Variants in VWF observed in about 807,000 individuals in gnomAD.
VWF encodes Factor VIII related antigen.
VWF carries 176 observed loss-of-function variants against 308.6 expected under a neutral mutation model. That is an observed-to-expected ratio of 0.57 (90% CI 0.50 to 0.65). The LOEUF (loss-of-function observed/expected upper bound fraction) is 0.65. Among genes scored for constraint, VWF ranks in the 30% least tolerant of loss-of-function variants. The pLI, the probability that VWF is intolerant of heterozygous loss-of-function variation, is 0.00. For synonymous variants in VWF, 1,385 were observed against 1,443.4 expected (o/e 0.96, Z 0.92); for missense variants, 3,146 against 3,648.2 (o/e 0.86, Z 3.55).
intron 34 of VWF, among the ~76,000 whole-genome samples, chr12:5,999,471 TAC>T (rs3062521): frequency 0.015 from 2,088 of 143,318 alleles, 16 homozygotes; most frequent in Middle Eastern, 0.026. Flanking sequence ...TGTACACACA[TAC>T]ACACACACAC....
intron 48 of VWF, among the ~76,000 whole-genome samples, chr12:5,953,234 A>C (rs898526976): frequency 4.6e-5 from 7 of 151,520 alleles, no homozygotes. Flanking sequence ...TCAAGAAAGA[A>C]AAAAAAAAGA....
At chr12:5,953,370 CA>C in intron 48 of VWF, 125 bp downstream of exon 48, 1 of 712,716 alleles carries the variant, frequency 1.4e-6, no homozygotes, top group East Asian at 2.6e-5. Context: ...TTTATATAAT[CA>C]GAAAGAAATA....
intron 47 of VWF, among the ~76,000 whole-genome samples, chr12:5,964,773 C>T (rs905609706): frequency 8.5e-5 from 13 of 152,140 alleles, no homozygotes; most frequent in Admixed American, 5.2e-4. Flanking sequence ...ATCCCCACAG[C>T]AGGAGGCAGA....
In VWF at chr12:6,060,574, C is replaced by G. The variant is rs1254006575; in HGVS notation, c.1533+2380G>C. 1.3e-5 allele frequency among the ~76,000 whole-genome samples: 2 copies of G among 152,112 alleles called. No individual in the cohort carries two copies. Among genetic ancestry groups the G allele is most frequent in the Non-Finnish European group, 2.9e-5 (2 of 68,026 alleles). ...CAAGATAGTCCCTTTCCATGAGCCCCAGGAATCTGTGTAAAGAAAAAGAAA... is the reference window on the plus strand; with the variant it reads ...CAAGATAGTCCCTTTCCATGAGCCCGAGGAATCTGTGTAAAGAAAAAGAAA... On this transcript the variant is annotated intron_variant, in intron 13 of 51. Coordinates refer to ENST00000261405, the MANE Select transcript of VWF (RefSeq NM_000552.5). This position sits in a 1 kb window ranked among gnomAD's most constrained non-coding sequence, Gnocchi z 5.1.
chr12:6,082,272 A>C (rs559250808), intron 6 of VWF, among the ~76,000 whole-genome samples: 1 of 152,316 alleles, frequency 6.6e-6, no homozygotes, highest in South Asian at 2.1e-4. Flanking sequence ...GCCTAAAAAT[A>C]TGTTCTTTAC....
chr12:6,067,362 A>C (rs191564362), intron 10 of VWF, among the ~76,000 whole-genome samples: 5 of 152,328 alleles, frequency 3.3e-5, no homozygotes, highest in Admixed American at 3.3e-4. Context: ...CTCTTATCTA[A>C]GCAAGAAAAT....
At chr12:6,052,827 C>T (rs370011844) in intron 15 of VWF, 44 bp from the exon 16 acceptor site, 44 of 1,594,380 alleles carry the variant, frequency 2.8e-5, no homozygotes, top group Non-Finnish European at 3.5e-5. Flanking sequence ...GAATGTTGGA[C>T]AGCAAGGACT....
intron 18 of VWF, among the ~76,000 whole-genome samples, chr12:6,041,999 G>A (rs1481371816): frequency 6.6e-6 from 1 of 152,106 alleles, no homozygotes; most frequent in Non-Finnish European, 1.5e-5. Flanking sequence ...GAACTCTCTG[G>A]CTTTAAAGTG....
At chr12:6,116,854 A>C (rs1945372669) in intron 3 of VWF, among the ~76,000 whole-genome samples, 1 of 152,210 alleles carries the variant, frequency 6.6e-6, no homozygotes, top group South Asian at 2.1e-4. Flanking sequence ...AGGAATGTGG[A>C]TGTGCGATTT....
chr12:5,968,338 C>T, intron 45 of VWF, 171 bp from the exon 46 acceptor site: 1 of 690,250 alleles, frequency 1.4e-6, no homozygotes. Context: ...CTGCTGGAGC[C>T]CACAGCGGCC....
At chr12:6,036,637 G>C (rs558852444) in intron 18 of VWF, 146 bp from the exon 19 acceptor site, 5 of 787,096 alleles carry the variant, frequency 6.4e-6, no homozygotes, top group South Asian at 1.5e-5. Flanking sequence ...GGCTGAGCCA[G>C]GGGGACAGCT....
intron 43 of VWF, 72 bp from the exon 44 acceptor site, chr12:5,971,781 T>C: frequency 7.6e-7 from 1 of 1,310,356 alleles, no homozygotes; most frequent in Non-Finnish European, 1.1e-6. Context: ...CTACGCCTCC[T>C]GCGTACTGAG....
chr12:6,033,867 G>A (rs1246128441), intron 20 of VWF, among the ~76,000 whole-genome samples: 2 of 152,326 alleles, frequency 1.3e-5, no homozygotes, highest in South Asian at 2.1e-4. Flanking sequence ...CCAAGCTCCC[G>A]CCCCTCCTCC....
chr12:6,114,138 G>A (rs999861250), intron 3 of VWF, among the ~76,000 whole-genome samples: 1 of 152,342 alleles, frequency 6.6e-6, no homozygotes, highest in Middle Eastern at 3.4e-3. Context: ...AAATGGGAAA[G>A]GAACCCCCGT....
chr12:6,031,013 A>G (rs1274170954), intron 21 of VWF, among the ~76,000 whole-genome samples: 2 of 152,192 alleles, frequency 1.3e-5, no homozygotes. Context: ...CCTAGGCAAA[A>G]GAGCGAGACT....
Position 6,054,250 on chromosome 12 carries a change from A to G in VWF, c.1946-1467T>C, listed in dbSNP as rs534399304. ...AACTTGGTGTTTGAAGGTAGCTGGG[A>G]AGGGAGGGCCTCTTTAATCCTATTA... is the stretch of plus-strand genomic sequence containing the variant. On this transcript the variant is annotated intron_variant, in intron 15 of 51. Coordinates refer to ENST00000261405, the MANE Select transcript of VWF (RefSeq NM_000552.5). Among the ~76,000 whole-genome samples, 5 of 152,308 alleles carry G rather than the reference A, an allele frequency of 3.3e-5. No homozygotes were observed. The East Asian group carries it at 9.7e-4, about 29-fold the overall frequency.
intron 5 of VWF, 128 bp from the exon 6 acceptor site, chr12:6,095,712 G>C: frequency 7.2e-7 from 1 of 1,384,138 alleles, no homozygotes; most frequent in Non-Finnish European, 1.0e-6. Flanking sequence ...GACAGGGTCT[G>C]GCTATGTTTC....
At chr12:5,991,786 G>A (rs772773023) in intron 38 of VWF, 33 bp downstream of exon 38, 1 of 1,609,680 alleles carries the variant, frequency 6.2e-7, no homozygotes. Context: ...GAGGGAAGCA[G>A]CCCCATGGGA....
chr12:6,123,078 G>A lies in VWF; in HGVS notation c.55+64C>T, dbSNP rs760521311. Reference sequence around the variant, plus strand: ...GCTCCAGACACACCTGCTGATTCCCGGAAAGGTGTCACTCCAGATGGCCCT... The same window carrying A: ...GCTCCAGACACACCTGCTGATTCCCAGAAAGGTGTCACTCCAGATGGCCCT... On this transcript the variant is annotated intron_variant, in intron 2 of 51. Transcript: ENST00000261405. 86 of 1,600,166 alleles carry A rather than the reference G, an allele frequency of 5.4e-5. 1 individual carries two copies. The highest frequency in any genetic ancestry group is 4.8e-4 in the South Asian group (44 of 90,822).
Sources: gnomAD v4.1 joint callset for allele counts (sites outside exome capture counted in the v4.1 genomes callset) on GRCh38, gnomAD v4.1.1 for gene constraint, Gnocchi (gnomAD v3.1) non-coding constraint, MANE v1.5 for transcripts, NCBI Gene and HGNC (gene_info 2026-07-23, HGNC 2026-07-21) for gene names.